URB1: variants seen among roughly 807,000 people sequenced by gnomAD.
The protein encoded by URB1 is nucleolar pre-ribosomal-associated protein 1.
In URB1, 197 loss-of-function variants were observed where a neutral mutation model predicts 242.3. The ratio of observed to expected loss-of-function variants is 0.81; its 90% CI spans 0.72 to 0.91. The LOEUF (loss-of-function observed/expected upper bound fraction) is 0.91, where lower values mean the gene tolerates loss of function less well. Among genes scored for constraint, URB1 ranks in the 40% least tolerant of loss-of-function variants. The pLI is 0.00. For missense variants in URB1, 2,721 were observed against 2,860.5 expected, an observed-to-expected ratio of 0.95 and a Z score of 1.11; for synonymous variants, 1,153 against 1,201.8, an observed-to-expected ratio of 0.96 and a Z score of 0.84.
In URB1 at chr21:32,311,972, C is replaced by T; in HGVS notation, c.*2946G>A. The T allele has an allele frequency of 1.2e-6, 2 of 1,613,404 alleles. No individual in the cohort carries two copies. The highest frequency in any genetic ancestry group is 1.7e-6 in the Non-Finnish European group (2 of 1,180,042). ...AGCCCAGCGAGCCTCCCCCTGGAGA[C>T]AGGACCTCTCAATTGCAGAGCTGAT... On this transcript the variant is annotated 3_prime_UTR_variant, in exon 39 of 39. Transcript: ENST00000382751.
At chr21:32,363,044 C>T (rs2033306603) in intron 11 of URB1, 112 bp downstream of exon 11, 1 of 1,384,782 alleles carries the variant, frequency 7.2e-7, no homozygotes, top group South Asian at 1.5e-5. Flanking sequence ...CCGGCCTGTC[C>T]AACCCTGCGG....
intron 24 of URB1, among the ~76,000 whole-genome samples, chr21:32,342,331 G>T (rs2033039673): frequency 6.6e-6 from 1 of 152,204 alleles, no homozygotes; most frequent in Admixed American, 6.5e-5. Flanking sequence ...AGAGAGACCA[G>T]CTACAGGCCG....
In URB1 at chr21:32,312,237, A is replaced by G; in HGVS notation, c.*2681T>C. 2.1e-6 allele frequency: 3 copies of G among 1,432,728 alleles called. No homozygotes were observed. The highest frequency in any genetic ancestry group is 2.9e-5 in the South Asian group (2 of 68,098). The allele number at this position is 1,432,728 out of a possible 1,614,324, so 88.8% of individuals were successfully genotyped here. A position where few individuals can be genotyped will look rare whatever the true frequency, so the allele number is the denominator to read the frequency against. ...CACCTAGCCTGCTTGCTTACTGCTT[A>G]TATTTGCTCAGGGAAGAGTAGGAAA... is the stretch of plus-strand genomic sequence containing the variant. On this transcript the variant is annotated 3_prime_UTR_variant, in exon 39 of 39. Coordinates refer to ENST00000382751, the MANE Select transcript of URB1 (RefSeq NM_014825.3).
intron 4 of URB1, among the ~76,000 whole-genome samples, chr21:32,382,856 A>G (rs1035246899): frequency 6.6e-6 from 1 of 152,210 alleles, no homozygotes; most frequent in Admixed American, 6.5e-5. Context: ...AAAAGCCACC[A>G]GGGAATTTTT....
intron 21 of URB1, 47 bp downstream of exon 21, chr21:32,349,257 C>T (rs1334996222): frequency 2.8e-6 from 4 of 1,454,082 alleles, no homozygotes; most frequent in Non-Finnish European, 3.6e-6. Context: ...GAGAAAGCCA[C>T]TGCCCATGAC....
chr21:32,319,252 G>C lies in URB1; in HGVS notation c.5757C>G (p.Phe1919Leu), dbSNP rs1197010475. ...KRLALHLVNEFLYVLIVLMKH... is the reference protein window; with the variant it reads ...KRLALHLVNELLYVLIVLMKH... The stretch of plus-strand genomic sequence containing the variant: ...TCATGAGCACGATGAGAACATAAAG[G>C]AACTCATTGACCAGGTGCAGGGCAA... The change falls in exon 36 of 39, where the codon TTC (phenylalanine) becomes TTG (leucine). Residue 1919 changes from phenylalanine (F) to leucine (L), a missense_variant. Coordinates refer to ENST00000382751, the MANE Select transcript of URB1 (RefSeq NM_014825.3). 1 of 1,551,096 alleles carries C rather than the reference G, an allele frequency of 6.4e-7. No homozygotes were observed. Among genetic ancestry groups the C allele is most frequent in the African/African-American group, 1.4e-5 (1 of 73,148 alleles).
chr21:32,384,286 T>A, intron 3 of URB1, 27 bp downstream of exon 3: 1 of 1,542,516 alleles, frequency 6.5e-7, no homozygotes, highest in East Asian at 2.5e-5. Context: ...AGGCCCATCC[T>A]TTGTCACACC....
chr21:32,333,240 C>T, intron 30 of URB1, 77 bp downstream of exon 30: 9 of 1,191,338 alleles, frequency 7.6e-6, no homozygotes, highest in Non-Finnish European at 1.1e-5. Flanking sequence ...GTAATTATGG[C>T]AATAATTACC....
chr21:32,384,411 A>T lies in URB1; in HGVS notation c.336T>A (p.Asp112Glu). 6.4e-7 allele frequency: 1 copy of T among 1,552,100 alleles called. No homozygotes were observed. Among genetic ancestry groups the T allele is most frequent in the Non-Finnish European group, 8.7e-7 (1 of 1,147,048 alleles). The change falls in exon 3 of 39, where the codon GAT becomes GAA. Residue 112 changes from aspartate (D) to glutamate (E), a missense_variant. Coordinates refer to ENST00000382751, the MANE Select transcript of URB1 (RefSeq NM_014825.3). Reference protein sequence around the residue: ...FEAILLRTASDLSHFHVVGTN... With the variant: ...FEAILLRTASELSHFHVVGTN... ...TTCCCACAACATGGAAATGTGAAAG[A>T]TCACTTGCTGTCCGCAATAATATGG...
chr21:32,345,870 C>T (rs2033081212), intron 22 of URB1, among the ~76,000 whole-genome samples: 1 of 152,122 alleles, frequency 6.6e-6, no homozygotes, highest in Non-Finnish European at 1.5e-5. Flanking sequence ...ACCATGAGTG[C>T]CAAGGTTCTC....
At position 32,338,820 on chromosome 21, in the gene URB1, C is replaced by T. The variant is rs776814877; in HGVS notation, c.4397G>A (p.Arg1466His). ...QLLYSPESSV[R>H]TKLIQLPVVY... ...CACCGGGAGCTGGATGAGCTTCGTG[C>T]GCACGGAGCTTTCTGGGCTGTACAG... The change falls in exon 26 of 39, where the codon CGC (arginine) becomes CAC (histidine). Residue 1466 changes from arginine (R) to histidine (H), a missense_variant. Coordinates refer to ENST00000382751, the MANE Select transcript of URB1 (RefSeq NM_014825.3). The T allele has an allele frequency of 1.4e-5, 21 of 1,551,462 alleles. No individual in the cohort carries two copies. The highest frequency in any genetic ancestry group is 4.1e-5 in the African/African-American group (3 of 73,036).
chr21:32,375,619 G>A (rs1356983912), intron 5 of URB1, 136 bp from the exon 6 acceptor site: 1 of 532,370 alleles, frequency 1.9e-6, no homozygotes, highest in Non-Finnish European at 3.2e-6. Flanking sequence ...AACTATACAA[G>A]TTTCCGGTAG....
At chr21:32,318,371 T>A (rs2032719240) in intron 36 of URB1, among the ~76,000 whole-genome samples, 1 of 152,110 alleles carries the variant, frequency 6.6e-6, no homozygotes. Flanking sequence ...CTCCCTGAAT[T>A]CCAAGACAGT....
At chr21:32,338,271 G>T (rs1231656502) in intron 26 of URB1, among the ~76,000 whole-genome samples, 1 of 152,096 alleles carries the variant, frequency 6.6e-6, no homozygotes, top group Non-Finnish European at 1.5e-5. Context: ...GGCTTTTGAA[G>T]TTCTTTACCA....
chr21:32,368,338 G>A lies in URB1; in HGVS notation c.1197+65C>T. ...CTGCCTCGGCCTCCCGAAGTGCTGG[G>A]ATTACAGGCATGAGCCACCACGCCC... On this transcript the variant is annotated intron_variant, in intron 9 of 38. Coordinates refer to ENST00000382751, the MANE Select transcript of URB1 (RefSeq NM_014825.3). The A allele has an allele frequency of 3.5e-6, 5 of 1,428,106 alleles. No homozygotes were observed. The South Asian group carries it at 4.3e-5, about 12-fold the overall frequency. The allele number at this position is 1,428,106 out of a possible 1,614,324, so 88.5% of individuals were successfully genotyped here.
At position 32,333,308 on chromosome 21, in the gene URB1, T is replaced by C. The variant is rs1211592910; in HGVS notation, c.4960+9A>G. On this transcript the variant is annotated intron_variant, in intron 30 of 38. Coordinates refer to ENST00000382751, the MANE Select transcript of URB1 (RefSeq NM_014825.3). The stretch of plus-strand genomic sequence containing the variant: ...AGCAAGCCCTGACCCAAGAGAAGAC[T>C]GCAGTTACCTGGCCTGGTCAGCTCA... 1.9e-6 allele frequency: 3 copies of C among 1,551,510 alleles called. No individual in the cohort carries two copies. The highest frequency in any genetic ancestry group is 2.6e-6 in the Non-Finnish European group (3 of 1,146,754).
intron 29 of URB1, 57 bp downstream of exon 29, chr21:32,334,106 G>A: frequency 1.4e-6 from 2 of 1,469,456 alleles, no homozygotes; most frequent in East Asian, 2.5e-5. Flanking sequence ...GGGTGCAGAT[G>A]GAGCCCCTGA....
intron 19 of URB1, among the ~76,000 whole-genome samples, chr21:32,351,355 C>G (rs1358585146): frequency 6.6e-6 from 1 of 152,218 alleles, no homozygotes; most frequent in Non-Finnish European, 1.5e-5. Context: ...GTTAGAAGGA[C>G]AGAAGATGGG....
At chr21:32,337,246 C>G in intron 27 of URB1, 89 bp from the exon 28 acceptor site, 1 of 1,433,238 alleles carries the variant, frequency 7.0e-7, no homozygotes, top group Non-Finnish European at 9.6e-7. Flanking sequence ...CCTCCCTGCT[C>G]AAATGGCCCG....
Sources: allele counts gnomAD v4.1 joint callset (sites outside exome capture counted in the v4.1 genomes callset), GRCh38; gene constraint gnomAD v4.1.1; transcripts MANE v1.5; gene names NCBI Gene and HGNC (gene_info 2026-07-23, HGNC 2026-07-21).